MUC12: variants seen among roughly 807,000 people sequenced by gnomAD.
MUC12 encodes mucin 12, cell surface associated, also known as mucin-12.
In MUC12, 172 loss-of-function variants were observed where a neutral mutation model predicts 230.8. The observed-to-expected ratio is 0.75, with a 90% confidence interval of 0.66 to 0.85. The LOEUF is 0.85. Among genes scored for constraint, MUC12 ranks in the 40% least tolerant of loss-of-function variants. MUC12 has a pLI of 0.00. For synonymous variants in MUC12, 1,259 were observed against 2,401.9 expected, an observed-to-expected ratio of 0.52 and a Z score of 13.91; for missense variants, 3,506 against 5,920.6, an observed-to-expected ratio of 0.59 and a Z score of 13.38.
In MUC12 at chr7:101,015,773, C is replaced by T. The variant is rs747771616; in HGVS notation, c.15877+82C>T. The T allele has an allele frequency of 3.5e-5, 44 of 1,264,836 alleles. 1 individual carries two copies. Among genetic ancestry groups the T allele is most frequent in the South Asian group, 2.4e-4 (18 of 75,214 alleles). The allele number at this position is 1,264,836 out of a possible 1,614,324, so 78.4% of individuals were successfully genotyped here. ...GCGGTGCCTGTGCCTGTGGGGGTGA[C>T]GTGGGGTCCAGCCCCCCTTTGGGGT... On this transcript the variant is annotated intron_variant, in intron 10 of 11. Coordinates refer to ENST00000536621, the MANE Select transcript of MUC12 (RefSeq NM_001164462.2).
rs1264168303 is a variant in MUC12 at position 101,004,598 on chromosome 7, C to T, written c.14035C>T (p.Arg4679Cys). 46 of 1,536,794 alleles carry T rather than the reference C, an allele frequency of 3.0e-5. No homozygotes were observed. The highest frequency in any genetic ancestry group is 1.2e-4 in the Admixed American group (6 of 50,978). ...HFPESSTTSG[R>C]SEESTASHSS... ...TCCTGAGAGCTCCACAACCTCCGGC[C>T]GTAGTGAGGAATCAACAGCATCCCA... Residue 4679 changes from arginine to cysteine, a missense_variant, in exon 2 of 12, where the codon CGT becomes TGT. Transcript: ENST00000536621.
rs1245915807 is a variant in MUC12 at position 101,003,387 on chromosome 7, T to G, written c.12824T>G (p.Phe4275Cys). 3 of 1,522,488 alleles carry G rather than the reference T, an allele frequency of 2.0e-6. No homozygotes were observed. The East Asian group carries it at 7.4e-5, about 38-fold the overall frequency. The allele number at this position is 1,522,488 out of a possible 1,614,324, so 94.3% of individuals were successfully genotyped here. Residue 4275 changes from phenylalanine (F) to cysteine (C), a missense_variant, in exon 2 of 12, where the codon TTC becomes TGC. Coordinates refer to ENST00000536621, the MANE Select transcript of MUC12 (RefSeq NM_001164462.2). The part of the protein sequence containing the change: ...ASSLGPESTT[F>C]HSSPGSTETT... ...TCCCTTGGTCCAGAATCTACTACCT[T>G]CCACAGCAGCCCAGGCTCCACTGAA...
intron 1 of MUC12, among the ~76,000 whole-genome samples, chr7:100,988,301 A>G (rs887814256): frequency 5.3e-5 from 8 of 151,290 alleles, no homozygotes; most frequent in African/African-American, 1.9e-4. Flanking sequence ...AAAAAAAAAA[A>G]AAAAAAAAAA....
Position 100,991,765 on chromosome 7 carries a change from C to G in MUC12, c.1202C>G (p.Pro401Arg), listed in dbSNP as rs780843182. 6.5e-7 allele frequency: 1 copy of G among 1,537,994 alleles called. No individual in the cohort carries two copies. The highest frequency in any genetic ancestry group is 8.7e-7 in the Non-Finnish European group (1 of 1,147,076). ...ACAACACACACAAAATCTTCAACTC[C>G]TAGCACCACAGCTGCCCTAGCACAT... Reference protein sequence around the residue: ...GSTTHTKSSTPSTTAALAHTS... With the variant: ...GSTTHTKSSTRSTTAALAHTS... The change falls in exon 2 of 12, where the codon CCT becomes CGT. Residue 401 changes from proline to arginine, a missense_variant. Physicochemically the swap from Pro to Arg is moderately radical, Grantham distance 103. Transcript: ENST00000536621.
chr7:100,970,130 G>A (rs925134781), intron 1 of MUC12, among the ~76,000 whole-genome samples: 1 of 152,310 alleles, frequency 6.6e-6, no homozygotes, highest in Admixed American at 6.5e-5. Context: ...AGAGGGGTGT[G>A]TGACAGTATC....
chr7:100,990,693 G>C lies in MUC12; in HGVS notation c.130G>C (p.Asp44His), dbSNP rs1793267015. The C allele has an allele frequency of 2.0e-6, 3 of 1,537,780 alleles. No homozygotes were observed. Among genetic ancestry groups the C allele is most frequent in the East Asian group, 2.4e-5 (1 of 40,926 alleles). Reference sequence around the variant, plus strand: ...TTCTGCATCCACACCCAGTTCAAGCGACCCTTTTACCACCTTTAGTGACTA... The same window carrying C: ...TTCTGCATCCACACCCAGTTCAAGCCACCCTTTTACCACCTTTAGTGACTA... Reference protein sequence around the residue: ...TTSASTPSSSDPFTTFSDYGV... With the variant: ...TTSASTPSSSHPFTTFSDYGV... Residue 44 changes from aspartate (D) to histidine (H), a missense_variant, in exon 2 of 12, where the codon GAC (aspartate) becomes CAC (histidine). Transcript: ENST00000536621.
Position 100,995,394 on chromosome 7 carries a change from C to T in MUC12, c.4831C>T (p.Pro1611Ser), listed in dbSNP as rs990241790. 2.6e-6 allele frequency: 4 copies of T among 1,533,942 alleles called. No homozygotes were observed. Among genetic ancestry groups the T allele is most frequent in the Middle Eastern group, 1.7e-4 (1 of 5,930 alleles). The change falls in exon 2 of 12, where the codon CCA (proline) becomes TCA (serine). Residue 1611 changes from proline (P) to serine (S), a missense_variant. Physicochemically the swap from Pro to Ser is moderately conservative, Grantham distance 74. Coordinates refer to ENST00000536621, the MANE Select transcript of MUC12 (RefSeq NM_001164462.2). ...GGAATCTACAGCTTCCCACAGCAGC[C>T]CAGGCTCCACAGACACAACATTGTC... Reference protein sequence around the residue: ...SQESTASHSSPGSTDTTLSPG... With the variant: ...SQESTASHSSSGSTDTTLSPG...
Position 101,004,675 on chromosome 7 carries a change from C to T in MUC12, c.14112C>T (p.Thr4704=), listed in dbSNP as rs141204643. ...CACCCTTACCTGCCCATTTTACTAC[C>T]TCAGGCCGCATTGCAGAATCTACCA... ...GITPLPAHFT[T]SGRIAESTTF... is the part of the protein sequence containing the mutation. The change falls in exon 2 of 12, where the codon ACC becomes ACT. Residue 4704 remains threonine (T), a synonymous_variant. Coordinates refer to ENST00000536621, the MANE Select transcript of MUC12 (RefSeq NM_001164462.2). 1.3e-6 allele frequency: 2 copies of T among 1,537,878 alleles called. No homozygotes were observed. Among genetic ancestry groups the T allele is most frequent in the Non-Finnish European group, 1.7e-6 (2 of 1,147,062 alleles).
Position 100,995,804 on chromosome 7 carries a change from C to T in MUC12, c.5241C>T (p.Ser1747=), listed in dbSNP as rs1793470832. The T allele has an allele frequency of 2.7e-6, 4 of 1,494,652 alleles. No homozygotes were observed. In the East Asian group the frequency reaches 7.5e-5, roughly 28 times the overall value. The allele number at this position is 1,494,652 out of a possible 1,614,324, so 92.6% of individuals were successfully genotyped here. ...RSEESTTVHS[S]PVATATTPSP... is the part of the protein sequence containing the mutation. Reference sequence around the variant, plus strand: ...AGGAATCGACAACAGTCCACAGCAGCCCAGTTGCAACTGCAACAACACCCT... The same window carrying T: ...AGGAATCGACAACAGTCCACAGCAGTCCAGTTGCAACTGCAACAACACCCT... Residue 1747 remains serine (S), a synonymous_variant, in exon 2 of 12, where the codon AGC becomes AGT. Coordinates refer to ENST00000536621, the MANE Select transcript of MUC12 (RefSeq NM_001164462.2).
At chr7:100,970,110 G>A (rs1470602716) in intron 1 of MUC12, among the ~76,000 whole-genome samples, 1 of 152,306 alleles carries the variant, frequency 6.6e-6, no homozygotes, top group African/African-American at 2.4e-5. Flanking sequence ...GGTCGGGAGA[G>A]AGGGAGTCCA....
At chr7:100,970,892 A>G (rs921218149) in intron 1 of MUC12, among the ~76,000 whole-genome samples, 1 of 151,812 alleles carries the variant, frequency 6.6e-6, no homozygotes, top group South Asian at 2.1e-4. Flanking sequence ...AGCTACTCAA[A>G]AGGCTGAGGC....
intron 9 of MUC12, among the ~76,000 whole-genome samples, chr7:101,014,706 G>A (rs1793889892): frequency 6.6e-6 from 1 of 152,114 alleles, no homozygotes; most frequent in Admixed American, 6.6e-5. Flanking sequence ...TTGAACTCCT[G>A]ACCTTGAGTG....
At chr7:101,012,016 G>C (rs1303363573) in intron 5 of MUC12, among the ~76,000 whole-genome samples, 1 of 152,042 alleles carries the variant, frequency 6.6e-6, no homozygotes, top group Non-Finnish European at 1.5e-5. Context: ...CAGGACACAG[G>C]GATTCAAATT....
intron 1 of MUC12, among the ~76,000 whole-genome samples, chr7:100,984,800 C>T (rs547921615): frequency 3.3e-5 from 5 of 152,294 alleles, no homozygotes; most frequent in South Asian, 2.1e-4. Flanking sequence ...TTCTCTCTAA[C>T]GGACATGCCT....
rs1204016465 is a variant in MUC12, at chr7:100,990,812, A to T, written c.249A>T (p.Val83=). 2 of 1,537,834 alleles carry T rather than the reference A, an allele frequency of 1.3e-6. No individual in the cohort carries two copies. The highest frequency in any genetic ancestry group is 3.9e-5 in the Admixed American group (2 of 50,994). Residue 83 remains valine (V), a synonymous_variant, in exon 2 of 12, where the codon GTA becomes GTT. Coordinates refer to ENST00000536621, the MANE Select transcript of MUC12 (RefSeq NM_001164462.2). ...TNSGHSEEST[V]SHSGPGATGT... is the part of the protein sequence containing the mutation. ...CAGGCCACAGTGAGGAATCAACAGT[A>T]TCCCACAGCGGCCCAGGTGCAACTG...
chr7:100,975,404 G>A (rs1157980758), intron 1 of MUC12, among the ~76,000 whole-genome samples: 4 of 152,304 alleles, frequency 2.6e-5, no homozygotes, highest in Non-Finnish European at 5.9e-5. Flanking sequence ...GAGAGTGGTG[G>A]AGGTGAGAAC....
In MUC12 at chr7:101,018,641, A is replaced by G. The variant is rs1214974080; in HGVS notation, c.*5A>G. The stretch of plus-strand genomic sequence containing the variant: ...ATGGTAGCATCCACTGTGTGAGCCA[A>G]CGGGGGCCTCCCACCCTCATCTAGC... On this transcript the variant is annotated 3_prime_UTR_variant, in exon 12 of 12. Coordinates refer to ENST00000536621, the MANE Select transcript of MUC12 (RefSeq NM_001164462.2). 7 of 1,535,490 alleles carry G rather than the reference A, an allele frequency of 4.6e-6. No individual in the cohort carries two copies. Among genetic ancestry groups the G allele is most frequent in the East Asian group, 2.5e-5 (1 of 40,700 alleles).
At chr7:101,009,315 A>T (rs981776734) in intron 5 of MUC12, among the ~76,000 whole-genome samples, 156 bp downstream of exon 5, 10 of 152,136 alleles carry the variant, frequency 6.6e-5, no homozygotes, top group African/African-American at 2.4e-4. Flanking sequence ...GACACCTTTC[A>T]TTCTTCATTC....
chr7:101,015,482 T>C (rs1793901660), intron 9 of MUC12, 133 bp from the exon 10 acceptor site: 1 of 710,100 alleles, frequency 1.4e-6, no homozygotes, highest in Non-Finnish European at 2.3e-6. Context: ...TTTTGTTCTC[T>C]GCCATCATCG....
Sources: gnomAD v4.1 joint callset for allele counts (sites outside exome capture counted in the v4.1 genomes callset) on GRCh38, gnomAD v4.1.1 for gene constraint, MANE v1.5 for transcripts, NCBI Gene and HGNC (gene_info 2026-07-23, HGNC 2026-07-21) for gene names.